Variants in SAMTOR observed in about 807,000 individuals in gnomAD.
The protein encoded by SAMTOR is UPF0532 protein C7orf60.
At chr7:112,821,883 C>A in the SAMTOR span, 1 of 1,613,412 alleles carries the variant, frequency 6.2e-7, no homozygotes. Flanking sequence ...TATATCTGAT[C>A]GAACATAGCA....
the SAMTOR span, among the ~76,000 whole-genome samples, chr7:112,865,667 C>CATACATTCATATATATTTTTTCATAT: frequency 1.1e-5 from 1 of 92,936 alleles, no homozygotes; most frequent in Non-Finnish European, 2.1e-5. Flanking sequence ...ATATTTCATA[C>CATACATTCATATATATTTTTTCATAT]ATACATATAT....
the SAMTOR span, among the ~76,000 whole-genome samples, chr7:112,825,435 C>T: frequency 6.6e-6 from 1 of 152,244 alleles, no homozygotes; most frequent in East Asian, 1.9e-4. Flanking sequence ...ATAAAATAAA[C>T]ATTTCATATT....
chr7:112,908,369 A>C, the SAMTOR span, among the ~76,000 whole-genome samples: 1 of 152,166 alleles, frequency 6.6e-6, no homozygotes, highest in East Asian at 1.9e-4. Flanking sequence ...TCAGACTCGA[A>C]GTGGGTCTAG....
the SAMTOR span, among the ~76,000 whole-genome samples, chr7:112,938,962 GT>G: frequency 0.011 from 1,608 of 152,276 alleles, 29 homozygotes; most frequent in African/African-American, 0.036. Context: ...TAAATAAACA[GT>G]TAAGACCAAG....
At chr7:112,850,730 T>C in the SAMTOR span, among the ~76,000 whole-genome samples, 4 of 152,240 alleles carry the variant, frequency 2.6e-5, no homozygotes, top group African/African-American at 9.6e-5. Flanking sequence ...TGATTTTTTG[T>C]ATTTCTGCAG....
the SAMTOR span, among the ~76,000 whole-genome samples, chr7:112,840,795 G>A: frequency 1.6e-3 from 241 of 151,830 alleles, 1 homozygote; most frequent in African/African-American, 5.6e-3. Flanking sequence ...CTCAACATAC[G>A]CAAATCAATA....
the SAMTOR span, among the ~76,000 whole-genome samples, chr7:112,930,272 G>A: frequency 1.3e-5 from 2 of 152,036 alleles, no homozygotes; most frequent in Non-Finnish European, 2.9e-5. Flanking sequence ...GCCATACAAC[G>A]ACCAGTCTTC....
At chr7:112,842,003 C>G in the SAMTOR span, among the ~76,000 whole-genome samples, 1 of 151,970 alleles carries the variant, frequency 6.6e-6, no homozygotes, top group South Asian at 2.1e-4. Flanking sequence ...ATTCATAATT[C>G]TAATATACAA....
chr7:112,844,230 C>T, the SAMTOR span, among the ~76,000 whole-genome samples: 1 of 151,960 alleles, frequency 6.6e-6, no homozygotes, highest in African/African-American at 2.4e-5. Context: ...ACAAGGATGC[C>T]CTCTCACCAC....
the SAMTOR span, among the ~76,000 whole-genome samples, chr7:112,931,784 T>C: frequency 1.3e-5 from 2 of 152,158 alleles, no homozygotes; most frequent in Non-Finnish European, 1.5e-5. Flanking sequence ...TAAAGCACAA[T>C]AGGTCAGTAT....
At chr7:112,871,448 T>C in the SAMTOR span, among the ~76,000 whole-genome samples, 1 of 151,960 alleles carries the variant, frequency 6.6e-6, no homozygotes, top group Non-Finnish European at 1.5e-5. Flanking sequence ...AATTAAGGCA[T>C]AAATCAAAAA....
chr7:112,894,786 G>A, the SAMTOR span, among the ~76,000 whole-genome samples: 2 of 152,150 alleles, frequency 1.3e-5, no homozygotes. Flanking sequence ...AGATTTGGGT[G>A]GGGACACAAT....
At chr7:112,894,231 G>T in the SAMTOR span, among the ~76,000 whole-genome samples, 6 of 151,748 alleles carry the variant, frequency 4.0e-5, no homozygotes, top group Admixed American at 2.0e-4. Context: ...AGAGACTGGG[G>T]AACAGTGGAT....
chr7:112,865,064 T>C, the SAMTOR span, among the ~76,000 whole-genome samples: 1 of 152,196 alleles, frequency 6.6e-6, no homozygotes, highest in Admixed American at 6.5e-5. Context: ...TAAAAATTTC[T>C]GTATTTCAAA....
the SAMTOR span, chr7:112,939,814 G>T: frequency 7.5e-7 from 1 of 1,341,136 alleles, no homozygotes; most frequent in Non-Finnish European, 1.0e-6. Context: ...GATGGAGGAG[G>T]TGGGGTAGGA....
the SAMTOR span, among the ~76,000 whole-genome samples, chr7:112,915,615 TAAATA>T: frequency 1.3e-5 from 2 of 152,170 alleles, no homozygotes; most frequent in African/African-American, 4.8e-5. Context: ...TTTACACATT[TAAATA>T]AATACATTTA....
chr7:112,821,079 T>C, the SAMTOR span: 2 of 152,496 alleles, frequency 1.3e-5, no homozygotes, highest in Non-Finnish European at 2.9e-5. Flanking sequence ...ATGGTGTTTA[T>C]TGGATAGGGC....
At chr7:112,875,003 G>A in the SAMTOR span, among the ~76,000 whole-genome samples, 1 of 152,112 alleles carries the variant, frequency 6.6e-6, no homozygotes. Flanking sequence ...CTTAGACTAA[G>A]GAAAGAAGTG....
chr7:112,907,932 C>G, the SAMTOR span, among the ~76,000 whole-genome samples: 20 of 152,122 alleles, frequency 1.3e-4, no homozygotes, highest in East Asian at 3.7e-3. Flanking sequence ...GGCAGCACAT[C>G]TAATAAAATC....
Sources: gnomAD v4.1 joint callset for allele counts (sites outside exome capture counted in the v4.1 genomes callset) on GRCh38, gnomAD v4.1.1 for gene constraint, MANE v1.5 for transcripts, NCBI Gene and HGNC (gene_info 2026-07-23, HGNC 2026-07-21) for gene names.